EBPL: variants seen among roughly 807,000 people sequenced by gnomAD.
The protein encoded by EBPL is EBP like.
A neutral mutation model predicts 19.0 loss-of-function variants in EBPL; 20 were observed. The observed-to-expected ratio is 1.05, with a 90% CI of 0.74 to 1.53. The LOEUF (loss-of-function observed/expected upper bound fraction) is 1.53, where lower values mean the gene tolerates loss of function less well. EBPL is among the 40% of genes most tolerant of loss of function. EBPL has a pLI of 0.00. For synonymous variants in EBPL, 107 were observed against 117.0 expected (o/e 0.91, Z 0.55); for missense variants, 219 against 261.1 (o/e 0.84, Z 1.11).
chr13:49,689,184 T>C (rs1954033425), intron 1 of EBPL, among the ~76,000 whole-genome samples: 1 of 152,186 alleles, frequency 6.6e-6, no homozygotes, highest in South Asian at 2.1e-4. Flanking sequence ...ATTCACACAG[T>C]GGACTACTTT....
At chr13:49,676,132 G>A (rs1377887266) in intron 1 of EBPL, among the ~76,000 whole-genome samples, 1 of 152,138 alleles carries the variant, frequency 6.6e-6, no homozygotes. Flanking sequence ...CTGCCCCATG[G>A]GCAAGATGAA....
chr13:49,687,617 AG>A (rs564617238), intron 1 of EBPL, among the ~76,000 whole-genome samples: 177 of 152,274 alleles, frequency 1.2e-3, no homozygotes, highest in Non-Finnish European at 2.1e-3. Flanking sequence ...TCCTCCTCAG[AG>A]GTTTACATTC....
At chr13:49,683,020 C>G (rs1429143350) in intron 1 of EBPL, among the ~76,000 whole-genome samples, 1 of 152,148 alleles carries the variant, frequency 6.6e-6, no homozygotes, top group Non-Finnish European at 1.5e-5. Flanking sequence ...GTCACCCAGG[C>G]TGGAGTGCAG....
chr13:49,679,006 T>TAAACAAAAA (rs1555301248), intron 1 of EBPL, among the ~76,000 whole-genome samples: 2 of 95,188 alleles, frequency 2.1e-5, no homozygotes, highest in Non-Finnish European at 3.8e-5. Context: ...AGACTCCGTC[T>TAAACAAAAA]AAAAAAAAAA....
chr13:49,664,365 G>A (rs2137483320), intron 2 of EBPL, among the ~76,000 whole-genome samples: 1 of 152,126 alleles, frequency 6.6e-6, no homozygotes, highest in East Asian at 1.9e-4. Flanking sequence ...TGGGCAGAGG[G>A]GCATCTCCGC....
intron 1 of EBPL, among the ~76,000 whole-genome samples, 177 bp downstream of exon 1, chr13:49,691,077 G>A (rs1484988537): frequency 1.3e-5 from 2 of 152,216 alleles, no homozygotes; most frequent in Non-Finnish European, 2.9e-5. Flanking sequence ...ACAGACCTGG[G>A]AATCAGAACT....
chr13:49,670,733 A>AT (rs1953803575), intron 1 of EBPL, among the ~76,000 whole-genome samples: 1 of 152,152 alleles, frequency 6.6e-6, no homozygotes, highest in Non-Finnish European at 1.5e-5. Flanking sequence ...AGTTTCTGAT[A>AT]TATTATTCTA....
At chr13:49,674,114 C>A (rs1463809430) in intron 1 of EBPL, among the ~76,000 whole-genome samples, 1 of 151,784 alleles carries the variant, frequency 6.6e-6, no homozygotes, top group Admixed American at 6.6e-5. Context: ...TAGAAAATAA[C>A]TTTTTCTTTT....
chr13:49,675,147 G>A (rs1953862367), intron 1 of EBPL, among the ~76,000 whole-genome samples: 1 of 152,220 alleles, frequency 6.6e-6, no homozygotes, highest in African/African-American at 2.4e-5. Flanking sequence ...ATCATAGAGT[G>A]TATTCACACA....
At chr13:49,686,692 C>T in intron 1 of EBPL, 13 of 1,164,020 alleles carry the variant, frequency 1.1e-5, no homozygotes, top group South Asian at 2.8e-5. Flanking sequence ...CCTGGGGCTT[C>T]GTGCTATCTC....
intron 1 of EBPL, among the ~76,000 whole-genome samples, chr13:49,683,242 T>C (rs917727958): frequency 6.6e-5 from 10 of 151,894 alleles, no homozygotes; most frequent in Admixed American, 1.3e-4. Flanking sequence ...CCCAAAGTGC[T>C]GAGATTACAA....
intron 3 of EBPL, among the ~76,000 whole-genome samples, chr13:49,662,709 T>G (rs547659928): frequency 6.6e-6 from 1 of 152,204 alleles, no homozygotes; most frequent in South Asian, 2.1e-4. Flanking sequence ...CATGGCTTAC[T>G]GCAGCCTTGA....
At chr13:49,673,288 G>C (rs1953838095) in intron 1 of EBPL, among the ~76,000 whole-genome samples, 1 of 151,860 alleles carries the variant, frequency 6.6e-6, no homozygotes, top group African/African-American at 2.4e-5. Flanking sequence ...TCCACAGTTG[G>C]GTATTTCTCC....
intron 1 of EBPL, among the ~76,000 whole-genome samples, chr13:49,675,274 T>C (rs554797716): frequency 6.6e-6 from 1 of 152,294 alleles, no homozygotes; most frequent in African/African-American, 2.4e-5. Context: ...TATAACACAA[T>C]GGTATTTGTG....
At chr13:49,673,804 G>A (rs560392458) in intron 1 of EBPL, among the ~76,000 whole-genome samples, 1 of 152,136 alleles carries the variant, frequency 6.6e-6, no homozygotes, top group African/African-American at 2.4e-5. Context: ...ATTGTTAGTG[G>A]TTGCCAGGGG....
At chr13:49,680,761 G>T (rs527849117) in intron 1 of EBPL, among the ~76,000 whole-genome samples, 3 of 152,306 alleles carry the variant, frequency 2.0e-5, no homozygotes, top group African/African-American at 7.2e-5. Context: ...GGCGGAGGTT[G>T]CAGTGTGCCA....
chr13:49,666,058 G>A (rs946076991), intron 2 of EBPL, among the ~76,000 whole-genome samples: 3 of 152,232 alleles, frequency 2.0e-5, no homozygotes, highest in East Asian at 1.9e-4. Context: ...ACTGTGGCCC[G>A]GGAAAGGAGG....
chr13:49,676,733 G>A (rs1406754115), intron 1 of EBPL, among the ~76,000 whole-genome samples: 1 of 152,108 alleles, frequency 6.6e-6, no homozygotes, highest in Non-Finnish European at 1.5e-5. Flanking sequence ...TTCCCTCTCT[G>A]CTTTCCCTAC....
intron 2 of EBPL, chr13:49,668,398 C>A: frequency 4.2e-6 from 1 of 238,032 alleles, no homozygotes; most frequent in Non-Finnish European, 8.4e-6. Flanking sequence ...ATGGTGAAAC[C>A]CCGTCTCTAC....
Sources: gnomAD v4.1 joint callset for allele counts (sites outside exome capture counted in the v4.1 genomes callset) on GRCh38, gnomAD v4.1.1 for gene constraint, MANE v1.5 for transcripts, NCBI Gene and HGNC (gene_info 2026-07-23, HGNC 2026-07-21) for gene names.